PPP2R2B: variants seen among roughly 807,000 people sequenced by gnomAD.
PPP2R2B encodes protein phosphatase 2 regulatory subunit Bbeta, also known as serine/threonine-protein phosphatase 2A 55 kDa regulatory subunit B beta isoform.
Under a neutral mutation model 46.0 loss-of-function variants are expected in PPP2R2B, and 5 were observed. That is an observed-to-expected ratio of 0.11 (90% confidence interval 0.06 to 0.23). PPP2R2B has a LOEUF of 0.23. Among genes scored for constraint, PPP2R2B ranks in the 10% least tolerant of loss-of-function variants. The pLI, the probability that PPP2R2B is intolerant of heterozygous loss-of-function variation, is 1.00. For missense variants in PPP2R2B, 367 were observed against 575.0 expected (o/e 0.64, Z 3.70); for synonymous variants, 215 against 206.7 (o/e 1.04, Z -0.34).
At chr5:146,699,684 T>A (rs1233420374) in intron 3 of PPP2R2B, among the ~76,000 whole-genome samples, 1 of 148,406 alleles carries the variant, frequency 6.7e-6, no homozygotes, top group Non-Finnish European at 1.5e-5. Context: ...TTTTTTTTTT[T>A]AAGAAAAAGC....
At chr5:147,045,693 T>A (rs1756513201) in intron 1 of PPP2R2B, among the ~76,000 whole-genome samples, 1 of 152,136 alleles carries the variant, frequency 6.6e-6, no homozygotes, top group African/African-American at 2.4e-5. Flanking sequence ...ACAGTTGCTC[T>A]CTGGGTTAAG....
intron 1 of PPP2R2B, among the ~76,000 whole-genome samples, chr5:146,982,348 GTAT>G (rs1385437548): frequency 6.6e-6 from 1 of 152,084 alleles, no homozygotes; most frequent in Admixed American, 6.5e-5. Context: ...TACTTCTCAA[GTAT>G]TAGGAGATTT....
intron 1 of PPP2R2B, among the ~76,000 whole-genome samples, chr5:146,959,493 C>T (rs1752073998): frequency 6.6e-6 from 1 of 152,152 alleles, no homozygotes; most frequent in Non-Finnish European, 1.5e-5. Flanking sequence ...CAGTACCTCA[C>T]CTATTGCCTG....
intron 1 of PPP2R2B, among the ~76,000 whole-genome samples, chr5:146,933,771 C>T (rs1053454675): frequency 1.3e-5 from 2 of 150,906 alleles, no homozygotes; most frequent in African/African-American, 4.9e-5. Flanking sequence ...CATGCTGGTG[C>T]ACTGCACCCA....
At position 146,750,836 on chromosome 5, in the gene PPP2R2B, A is replaced by G. The variant is rs369783893; in HGVS notation, c.71-49694T>C. 5.9e-4 allele frequency among the ~76,000 whole-genome samples: 90 copies of G among 152,320 alleles called. 2 individuals are homozygous for G. The East Asian group carries it at 0.016, about 27-fold the overall frequency. On this transcript the variant is annotated intron_variant, in intron 2 of 9. Transcript: ENST00000394411. ...GAATTAACATAAAATAAAACAGTTC[A>G]AATACACACGTTGGTACGCTGGATC...
Position 146,987,335 on chromosome 5 carries a change from C to A in PPP2R2B, c.79+68330G>T, listed in dbSNP as rs1012278081. 3.3e-5 allele frequency among the ~76,000 whole-genome samples: 5 copies of A among 151,916 alleles called. No homozygotes were observed. In the South Asian group the frequency reaches 6.2e-4, roughly 19 times the overall value. On this transcript the variant is annotated intron_variant, in intron 1 of 8. Coordinates refer to the PPP2R2B transcript ENST00000336640. Reference sequence around the variant, plus strand: ...AAGAAAACATCTGAAGAAATAAAATCCACTGACAAAAGTATATACTGTAAC... The same window carrying A: ...AAGAAAACATCTGAAGAAATAAAATACACTGACAAAAGTATATACTGTAAC...
intron 1 of PPP2R2B, among the ~76,000 whole-genome samples, chr5:147,048,401 T>C (rs1125456): frequency 0.017 from 2,628 of 152,170 alleles, 35 homozygotes; most frequent in Non-Finnish European, 0.026. Flanking sequence ...ATGGGGAAAA[T>C]GAATAGTACT....
intron 1 of PPP2R2B, among the ~76,000 whole-genome samples, chr5:147,033,140 C>A (rs1048783456): frequency 1.3e-5 from 2 of 152,078 alleles, no homozygotes; most frequent in African/African-American, 4.8e-5. Flanking sequence ...ATCAGTGGAC[C>A]TAAAAGCTGC....
intron 3 of PPP2R2B, among the ~76,000 whole-genome samples, chr5:146,700,606 A>G (rs1183339035): frequency 6.6e-6 from 1 of 152,030 alleles, no homozygotes; most frequent in Non-Finnish European, 1.5e-5. Context: ...GTAAGCTATC[A>G]TTTTCTTCTC....
intron 2 of PPP2R2B, among the ~76,000 whole-genome samples, chr5:146,754,439 G>A (rs185127967): frequency 5.5e-4 from 83 of 152,204 alleles, no homozygotes; most frequent in Admixed American, 3.4e-3. Flanking sequence ...ATTGTTAAGC[G>A]AAAAAAGCAA....
At chr5:146,708,356 CAA>C (rs112342262) in intron 2 of PPP2R2B, among the ~76,000 whole-genome samples, 1 of 109,956 alleles carries the variant, frequency 9.1e-6, no homozygotes, top group Admixed American at 9.5e-5. Context: ...GACTTGGTCT[CAA>C]AAAAAAAAAA....
At chr5:146,931,936 T>A (rs1171452577) in intron 1 of PPP2R2B, among the ~76,000 whole-genome samples, 9 of 152,300 alleles carry the variant, frequency 5.9e-5, no homozygotes, top group African/African-American at 2.2e-4. Context: ...TGCATGCACA[T>A]GTGTGAGTGA....
intron 2 of PPP2R2B, among the ~76,000 whole-genome samples, chr5:146,735,808 C>T (rs183314556): frequency 6.6e-6 from 1 of 152,286 alleles, no homozygotes; most frequent in Non-Finnish European, 1.5e-5. Context: ...TACCTGATGA[C>T]ACTGGAATTT....
At chr5:146,779,839 C>T (rs1209102203) in intron 2 of PPP2R2B, among the ~76,000 whole-genome samples, 1 of 152,004 alleles carries the variant, frequency 6.6e-6, no homozygotes, top group Non-Finnish European at 1.5e-5. Context: ...CAGTTTAATG[C>T]CTGTAATACA....
intron 2 of PPP2R2B, among the ~76,000 whole-genome samples, chr5:146,762,452 A>G (rs1005176792): frequency 3.3e-5 from 5 of 152,232 alleles, no homozygotes; most frequent in African/African-American, 1.2e-4. Flanking sequence ...CCAGGCATAC[A>G]GTCAGCACTC....
chr5:146,991,040 G>A (rs1368605377), intron 1 of PPP2R2B, among the ~76,000 whole-genome samples: 2 of 152,020 alleles, frequency 1.3e-5, no homozygotes, highest in Non-Finnish European at 2.9e-5. Flanking sequence ...AACCCAGTTA[G>A]AATGAATATC....
At chr5:146,941,660 T>C (rs1261462626) in intron 1 of PPP2R2B, among the ~76,000 whole-genome samples, 1 of 152,200 alleles carries the variant, frequency 6.6e-6, no homozygotes, top group African/African-American at 2.4e-5. Context: ...CAGATTACTA[T>C]ATTGGATGCA....
chr5:146,691,741 C>T (rs185907595), intron 4 of PPP2R2B, among the ~76,000 whole-genome samples: 52 of 152,266 alleles, frequency 3.4e-4, no homozygotes, highest in African/African-American at 1.2e-3. Flanking sequence ...CCCCCCTGTC[C>T]ATCCTCTCCC....
chr5:146,947,488 C>A (rs1321132495), intron 1 of PPP2R2B, among the ~76,000 whole-genome samples: 1 of 152,000 alleles, frequency 6.6e-6, no homozygotes, highest in African/African-American at 2.4e-5. Flanking sequence ...GAGCTTGGTG[C>A]TTTGTGTAAT....
Sources: allele counts gnomAD v4.1 joint callset (sites outside exome capture counted in the v4.1 genomes callset), GRCh38; gene constraint gnomAD v4.1.1; transcripts MANE v1.5; gene names NCBI Gene and HGNC (gene_info 2026-07-23, HGNC 2026-07-21).